Variants in NOL12 observed in about 807,000 individuals in gnomAD.
NOL12 encodes nucleolar protein 12.
In NOL12, 21 loss-of-function variants were observed where a neutral mutation model predicts 25.2. The observed-to-expected ratio is 0.83, with a 90% CI of 0.59 to 1.20. The LOEUF is 1.20. Among genes scored for constraint, NOL12 ranks in the 50% most tolerant of loss-of-function variants. NOL12 has a pLI of 0.00. For synonymous variants in NOL12, 133 were observed against 113.8 expected (o/e 1.17, Z -1.08); for missense variants, 286 against 287.6 (o/e 0.99, Z 0.04).
In NOL12 at chr22:37,690,721, G is replaced by T. The variant is rs755036944; in HGVS notation, c.406G>T (p.Glu136Ter). ...PEGGAGDRSE[E>*]EASSTEKPTK... The stretch of plus-strand genomic sequence containing the variant: ...GGGAGGGGCTGGAGACAGGTCTGAG[G>T]AGGAGGCGTCATCCACGGAGAAACC... The change falls in exon 5 of 6, where the codon GAG (glutamate) becomes TAG (stop). Residue 136 changes from glutamate (E) to a stop codon, truncating the protein, a stop_gained. Coordinates refer to ENST00000359114, the MANE Select transcript of NOL12 (RefSeq NM_024313.3). LOFTEE classifies it high-confidence loss of function. 1.9e-6 allele frequency: 3 copies of T among 1,613,846 alleles called. No homozygotes were observed. The highest frequency in any genetic ancestry group is 2.2e-5 in the South Asian group (2 of 91,074).
In NOL12 at chr22:37,688,240, G is replaced by A. The variant is rs551475127; in HGVS notation, c.190-72G>A. The A allele has an allele frequency of 1.3e-3, 2,025 of 1,507,122 alleles. 16 individuals are homozygous for A. Among genetic ancestry groups the A allele is most frequent in the Middle Eastern group, 6.1e-3 (35 of 5,772 alleles). 93.4% of individuals were successfully genotyped at this position (1,507,122 alleles called of 1,614,324 possible). ...GATCATGGTCTCCCTCACCCTGGGG[G>A]TGATTAATACCCCAGCCTGAGGTTG... On this transcript the variant is annotated intron_variant, in intron 2 of 5. Transcript: ENST00000359114.
At chr22:37,688,398 AT>A (rs751148784) in intron 3 of NOL12, 38 bp downstream of exon 3, 10 of 1,604,986 alleles carry the variant, frequency 6.2e-6, no homozygotes, top group Middle Eastern at 1.7e-4. Context: ...AGAACAGCTG[AT>A]GGGCCTGGTT....
At chr22:37,687,836 C>A in intron 1 of NOL12, 74 bp from the exon 2 acceptor site, 1 of 1,160,296 alleles carries the variant, frequency 8.6e-7, no homozygotes, top group African/African-American at 1.5e-5. Flanking sequence ...CGGCATTAGC[C>A]ATTTTTCTCC....
chr22:37,686,612 C>G (rs1921826732), intron 1 of NOL12, 137 bp downstream of exon 1: 2 of 1,373,970 alleles, frequency 1.5e-6, no homozygotes, highest in Admixed American at 3.9e-5. Context: ...TCTCGGCCTT[C>G]CAGCCCGCGT....
At chr22:37,687,337 C>T (rs1056612519) in intron 1 of NOL12, among the ~76,000 whole-genome samples, 6 of 135,912 alleles carry the variant, frequency 4.4e-5, no homozygotes, top group Non-Finnish European at 7.6e-5. Flanking sequence ...TGGAAAGAGG[C>T]AGTATCTCCC....
At position 37,692,635 on chromosome 22, in the gene NOL12, C is replaced by T. The variant is rs1339598511; in HGVS notation, c.*1299C>T. ...GAACTGTGTTCCCAGGGCTTGCTGA[C>T]GCCCGTGGACTATGGAGTCAGGATG... On this transcript the variant is annotated 3_prime_UTR_variant, in exon 6 of 6. Transcript: ENST00000359114. 13 of 398,624 alleles carry T rather than the reference C, an allele frequency of 3.3e-5. No homozygotes were observed. The highest frequency in any genetic ancestry group is 4.9e-5 in the Non-Finnish European group (11 of 226,166). 24.7% of individuals were successfully genotyped at this position (398,624 alleles called of 1,614,324 possible).
chr22:37,687,864 T>A (rs1381925001), intron 1 of NOL12, 46 bp from the exon 2 acceptor site: 37 of 1,454,954 alleles, frequency 2.5e-5, no homozygotes, highest in Non-Finnish European at 3.5e-5. Flanking sequence ...AGCCCTTCTC[T>A]CCTTGTATAA....
At position 37,693,185 on chromosome 22, in the gene NOL12, C is replaced by T. The variant is rs1395933908; in HGVS notation, c.*1849C>T. Reference sequence around the variant, plus strand: ...TTGAATCCAGGCTCTGCTGCTTGGTCGCTGCATGAGCTTCTGCTGTGCTGA... The same window carrying T: ...TTGAATCCAGGCTCTGCTGCTTGGTTGCTGCATGAGCTTCTGCTGTGCTGA... On this transcript the variant is annotated 3_prime_UTR_variant, in exon 6 of 6. Transcript: ENST00000359114. 3 of 154,210 alleles carry T rather than the reference C, an allele frequency of 1.9e-5. No individual in the cohort carries two copies. Among genetic ancestry groups the T allele is most frequent in the Non-Finnish European group, 4.3e-5 (3 of 69,484 alleles). 9.6% of individuals were successfully genotyped at this position (154,210 alleles called of 1,614,324 possible).
At position 37,688,380 on chromosome 22, in the gene NOL12, T is replaced by C. The variant is rs1431801232; in HGVS notation, c.238+20T>C. 6.2e-7 allele frequency: 1 copy of C among 1,613,176 alleles called. No homozygotes were observed. The highest frequency in any genetic ancestry group is 8.5e-7 in the Non-Finnish European group (1 of 1,179,146). ...CTCTGGGTAAGTGGCATGCTTGGCC[T>C]GACCTGGAGAACAGCTGATGGGCCT... On this transcript the variant is annotated intron_variant, in intron 3 of 5. Transcript: ENST00000359114.
At chr22:37,686,964 C>G (rs1010651180) in intron 1 of NOL12, 5 of 985,274 alleles carry the variant, frequency 5.1e-6, no homozygotes, top group Non-Finnish European at 6.0e-6. Flanking sequence ...CAGCGAAAAG[C>G]CCAGTGCTGG....
rs560775836 is a variant in NOL12 at position 37,692,962 on chromosome 22, T to C, written c.*1626T>C. On this transcript the variant is annotated 3_prime_UTR_variant, in exon 6 of 6. Transcript: ENST00000359114. ...CCCTCAGGGATTGTGCTGAGCGCCTTGGCCTGGCTTCTTGGCTCCGCCCAC... is the reference window on the plus strand; with the variant it reads ...CCCTCAGGGATTGTGCTGAGCGCCTCGGCCTGGCTTCTTGGCTCCGCCCAC... The C allele has an allele frequency of 1.9e-4, 68 of 363,640 alleles. No homozygotes were observed. The highest frequency in any genetic ancestry group is 3.0e-4 in the South Asian group (2 of 6,738). The allele number at this position is 363,640 out of a possible 1,614,324, so 22.5% of individuals were successfully genotyped here.
In NOL12 at chr22:37,688,869, C is replaced by G; in HGVS notation, c.258C>G (p.Asp86Glu). ...EEALEEADEL[D>E]RLVTAKTESV... Reference sequence around the variant, plus strand: ...CCACAGAGGAGGCAGATGAGCTGGACCGGTTGGTGACAGCAAAGACGGAGT... The same window carrying G: ...CCACAGAGGAGGCAGATGAGCTGGAGCGGTTGGTGACAGCAAAGACGGAGT... The change falls in exon 4 of 6, where the codon GAC becomes GAG. Residue 86 changes from aspartate (D) to glutamate (E), a missense_variant. Transcript: ENST00000359114. 1 of 1,614,060 alleles carries G rather than the reference C, an allele frequency of 6.2e-7. No homozygotes were observed.
rs773325889 is a variant in NOL12, at chr22:37,688,024, G to C, written c.189+9G>C. On this transcript the variant is annotated intron_variant, in intron 2 of 5. Coordinates refer to ENST00000359114, the MANE Select transcript of NOL12 (RefSeq NM_024313.3). Reference sequence around the variant, plus strand: ...GGAAGCTTCGGGAGGAGGTACGCAGGGGGAAGGTGGGAGGGAGGTCTTTGA... The same window carrying C: ...GGAAGCTTCGGGAGGAGGTACGCAGCGGGAAGGTGGGAGGGAGGTCTTTGA... The C allele has an allele frequency of 9.1e-6, 14 of 1,543,404 alleles. No individual in the cohort carries two copies. The African/African-American group carries it at 1.4e-4, about 15-fold the overall frequency.
At chr22:37,687,339 G>GT (rs1921865946) in intron 1 of NOL12, among the ~76,000 whole-genome samples, 1 of 146,794 alleles carries the variant, frequency 6.8e-6, no homozygotes, top group Admixed American at 7.3e-5. Flanking sequence ...GAAAGAGGCA[G>GT]TATCTCCCTT....
chr22:37,688,832 CTG>C lies in NOL12; in HGVS notation c.239-14_239-13del. 1 of 1,613,898 alleles carries C rather than the reference CTG, an allele frequency of 6.2e-7. No individual in the cohort carries two copies. ...CTCGTTCCCGTGACTGAGACCAGGTCTGTGTCCACCCCCACAGAGGAGGCAGA... is the reference window on the plus strand; with the variant it reads ...CTCGTTCCCGTGACTGAGACCAGGTCTGTCCACCCCCACAGAGGAGGCAGA... On this transcript the variant is annotated splice_polypyrimidine_tract_variant and intron_variant, in intron 3 of 5. Transcript: ENST00000359114.
rs866741114 is a variant in NOL12, at chr22:37,687,269, C to G, written c.84-641C>G. Among the ~76,000 whole-genome samples the G allele has an allele frequency of 1.9e-3, 219 of 115,594 alleles. 1 individual carries two copies. In the East Asian group the frequency reaches 0.021, roughly 11 times the overall value. The allele number at this position is 115,594 out of a possible 152,430, so 75.8% of individuals were successfully genotyped here. ...ATGTACTGTGTGTGGCCCCCCCCCC[C>G]ACCCGCCCCACAGCCTGGCCCTGTT... is the stretch of plus-strand genomic sequence containing the variant. On this transcript the variant is annotated intron_variant, in intron 1 of 5. Coordinates refer to ENST00000359114, the MANE Select transcript of NOL12 (RefSeq NM_024313.3).
chr22:37,691,460 A>AGGT lies in NOL12; in HGVS notation c.*124_*125insGGT. 1 of 1,151,080 alleles carries AGGT rather than the reference A, an allele frequency of 8.7e-7. No homozygotes were observed. The highest frequency in any genetic ancestry group is 1.2e-6 in the Non-Finnish European group (1 of 863,338). 71.3% of individuals were successfully genotyped at this position (1,151,080 alleles called of 1,614,324 possible). On this transcript the variant is annotated 3_prime_UTR_variant, in exon 6 of 6. Coordinates refer to ENST00000359114, the MANE Select transcript of NOL12 (RefSeq NM_024313.3). ...CACAGCTCAAGGTTGGGAAGCCAGG[A>AGGT]CCTCTCTGGCCTGGGGCCAGCTGCC...
chr22:37,690,667 C>A lies in NOL12; in HGVS notation c.382-30C>A, dbSNP rs1476050344. The stretch of plus-strand genomic sequence containing the variant: ...GCCCAGGTCCCCCCAGCTACTGCTC[C>A]ATGTAAGTCATTGTCTTGTGCCTCT... On this transcript the variant is annotated intron_variant, in intron 4 of 5. Coordinates refer to ENST00000359114, the MANE Select transcript of NOL12 (RefSeq NM_024313.3). 6 of 1,557,326 alleles carry A rather than the reference C, an allele frequency of 3.9e-6. 1 individual carries two copies. In the South Asian group the frequency reaches 6.7e-5, roughly 17 times the overall value.
intron 4 of NOL12, 40 bp downstream of exon 4, chr22:37,689,032 G>A (rs1382173004): frequency 6.2e-7 from 1 of 1,602,224 alleles, no homozygotes; most frequent in South Asian, 1.1e-5. Context: ...GGGGCGTGGG[G>A]GCAGACCAGC....
Sources: gnomAD v4.1 joint callset for allele counts (sites outside exome capture counted in the v4.1 genomes callset) on GRCh38, gnomAD v4.1.1 for gene constraint, MANE v1.5 for transcripts, NCBI Gene and HGNC (gene_info 2026-07-23, HGNC 2026-07-21) for gene names.